Variants in HEXIM2 observed in about 807,000 individuals in gnomAD.
HEXIM2 encodes the protein protein HEXIM2.
For missense variants in HEXIM2, 413 were observed against 390.8 expected, an observed-to-expected ratio of 1.06 and a Z score of -0.48; for synonymous variants, 159 against 162.7, an observed-to-expected ratio of 0.98 and a Z score of 0.17.
rs1453855321 is a variant in HEXIM2 at position 45,162,013 on chromosome 17, A to G, written c.-211A>G. The G allele has an allele frequency of 1.0e-6, 1 of 985,508 alleles. No individual in the cohort carries two copies. The highest frequency in any genetic ancestry group is 1.2e-6 in the Non-Finnish European group (1 of 830,020). The allele number at this position is 985,508 out of a possible 1,614,324, so 61.0% of individuals were successfully genotyped here. On this transcript the variant is annotated 5_prime_UTR_variant, in exon 1 of 4. In the 5' UTR this introduces an upstream ATG that the reference lacks. Transcript: ENST00000589230. ...GGCACACAGATGTAGTGGTGTGCAT[A>G]GCCCTTGACAGCGAATAGGTCAGTT...
intron 3 of HEXIM2, among the ~76,000 whole-genome samples, chr17:45,165,353 T>C (rs1214534079): frequency 1.3e-5 from 2 of 152,168 alleles, no homozygotes; most frequent in Admixed American, 6.6e-5. Context: ...ACATGACATA[T>C]GCCTGGCTCT....
At chr17:45,168,422 C>T (rs1015474663) in intron 3 of HEXIM2, among the ~76,000 whole-genome samples, 2 of 151,306 alleles carry the variant, frequency 1.3e-5, no homozygotes, top group Non-Finnish European at 2.9e-5. Context: ...TACAGTGAGC[C>T]GAGATTGCAC....
At chr17:45,168,103 C>T (rs1204302586) in intron 3 of HEXIM2, among the ~76,000 whole-genome samples, 3 of 149,806 alleles carry the variant, frequency 2.0e-5, no homozygotes, top group African/African-American at 7.4e-5. Flanking sequence ...ATCCTAGTCT[C>T]GAACTCCTGA....
upstream of HEXIM2, chr17:45,161,028 C>T (rs1447621220): frequency 8.9e-7 from 1 of 1,120,212 alleles, no homozygotes; most frequent in Non-Finnish European, 1.2e-6. Context: ...CGACCTCCGC[C>T]CTCCCCCGCG....
intron 3 of HEXIM2, 157 bp from the exon 4 acceptor site, chr17:45,168,858 C>T (rs2042940751): frequency 1.4e-6 from 1 of 733,516 alleles, no homozygotes. Context: ...GTAGACAGGT[C>T]TCTTTGTAAA....
At chr17:45,161,621 A>T (rs1190468745), upstream of HEXIM2, 1 of 155,920 alleles carries the variant, frequency 6.4e-6, no homozygotes, top group Non-Finnish European at 1.4e-5. Flanking sequence ...TAACGCCATC[A>T]ATGAACTCTT....
At position 45,169,546 on chromosome 17, in the gene HEXIM2, T is replaced by G. The variant is rs762416851; in HGVS notation, c.598T>G (p.Phe200Val). The G allele has an allele frequency of 3.2e-6, 5 of 1,569,458 alleles. No homozygotes were observed. Among genetic ancestry groups the G allele is most frequent in the Non-Finnish European group, 2.6e-6 (3 of 1,158,234 alleles). ...RKDFSETYERFHTESLQGRSK... is the reference protein window; with the variant it reads ...RKDFSETYERVHTESLQGRSK... Reference sequence around the variant, plus strand: ...GGACTTCTCTGAGACTTACGAACGCTTCCACACCGAGAGCCTGCAGGGCCG... The same window carrying G: ...GGACTTCTCTGAGACTTACGAACGCGTCCACACCGAGAGCCTGCAGGGCCG... The change falls in exon 4 of 4, where the codon TTC becomes GTC. Residue 200 changes from phenylalanine (F) to valine (V), a missense_variant. By Grantham distance (50) the Phe-to-Val change is conservative. Coordinates refer to ENST00000589230, the MANE Select transcript of HEXIM2 (RefSeq NM_001303441.2).
intron 3 of HEXIM2, 42 bp downstream of exon 3, chr17:45,162,901 G>A (rs376758996): frequency 3.3e-5 from 43 of 1,309,304 alleles, no homozygotes; most frequent in Admixed American, 1.2e-4. Flanking sequence ...CCACGAGCAC[G>A]GGTCCCACAG....
In HEXIM2 at chr17:45,169,165, C is replaced by G; in HGVS notation, c.217C>G (p.Arg73Gly). The G allele has an allele frequency of 6.2e-7, 1 of 1,613,752 alleles. No individual in the cohort carries two copies. Among genetic ancestry groups the G allele is most frequent in the South Asian group, 1.1e-5 (1 of 91,076 alleles). Residue 73 changes from arginine (R) to glycine (G), a missense_variant, in exon 4 of 4, where the codon CGG (arginine) becomes GGG (glycine). Coordinates refer to ENST00000589230, the MANE Select transcript of HEXIM2 (RefSeq NM_001303441.2). ...CCTGGGCTGGAACAGTAGGAGTCCC[C>G]GGACCCAGAGCCCAGGGGGCTGCTC... Reference protein sequence around the residue: ...GGLGWNSRSPRTQSPGGCSAE... With the variant: ...GGLGWNSRSPGTQSPGGCSAE...
intron 1 of HEXIM2, 75 bp downstream of exon 1, chr17:45,162,106 G>GGGAGGGAAACCCAACTA: frequency 1.3e-6 from 1 of 757,056 alleles, no homozygotes; most frequent in Non-Finnish European, 1.6e-6. Context: ...TATCCTAGTT[G>GGGAGGGAAACCCAACTA]GGTTTCCCTC....
At chr17:45,162,677 C>A in intron 2 of HEXIM2, 42 bp downstream of exon 2, 1 of 1,582,260 alleles carries the variant, frequency 6.3e-7, no homozygotes, top group East Asian at 2.2e-5. Context: ...ACTGCCTGGG[C>A]AAACAATTCT....
At position 45,162,046 on chromosome 17, in the gene HEXIM2, T is replaced by G. The variant is rs1167929574; in HGVS notation, c.-193+15T>G. 1 of 979,774 alleles carries G rather than the reference T, an allele frequency of 1.0e-6. No individual in the cohort carries two copies. The highest frequency in any genetic ancestry group is 1.8e-5 in the African/African-American group (1 of 57,120). The allele number at this position is 979,774 out of a possible 1,614,324, so 60.7% of individuals were successfully genotyped here. On this transcript the variant is annotated intron_variant, in intron 1 of 3. Transcript: ENST00000589230. ...ACAGCGAATAGGTCAGTTCCACCTT[T>G]GCAAAACCTCTTTCCATGACTGTCT...
At chr17:45,161,646 G>C (rs996579358), upstream of HEXIM2, 2 of 158,166 alleles carry the variant, frequency 1.3e-5, no homozygotes, top group African/African-American at 4.8e-5. Flanking sequence ...TGAGTTCGGA[G>C]AAGGCGGGTC....
In HEXIM2 at chr17:45,161,989, G is replaced by T; in HGVS notation, c.-235G>T. ...CACCGACAGGCAGTCGCACAGAAAG[G>T]CACACAGATGTAGTGGTGTGCATAG... On this transcript the variant is annotated 5_prime_UTR_variant, in exon 1 of 4. Coordinates refer to ENST00000589230, the MANE Select transcript of HEXIM2 (RefSeq NM_001303441.2). 9.1e-6 allele frequency: 9 copies of T among 985,624 alleles called. No homozygotes were observed. The highest frequency in any genetic ancestry group is 1.1e-5 in the Non-Finnish European group (9 of 830,042). The allele number at this position is 985,624 out of a possible 1,614,324, so 61.1% of individuals were successfully genotyped here. A position where few individuals can be genotyped will look rare whatever the true frequency, so the allele number is the denominator to read the frequency against.
rs2042726429 is a variant in HEXIM2 at position 45,162,512 on chromosome 17, T to C, written c.-168T>C. On this transcript the variant is annotated 5_prime_UTR_variant, in exon 2 of 4. Transcript: ENST00000589230. Reference sequence around the variant, plus strand: ...GGAGGACAGTACAGGACATGAGTCCTGGTGAGGGACCCGAGGAGCAGGACA... The same window carrying C: ...GGAGGACAGTACAGGACATGAGTCCCGGTGAGGGACCCGAGGAGCAGGACA... 2 of 1,281,432 alleles carry C rather than the reference T, an allele frequency of 1.6e-6. No individual in the cohort carries two copies. The highest frequency in any genetic ancestry group is 2.0e-6 in the Non-Finnish European group (2 of 1,003,192). The allele number at this position is 1,281,432 out of a possible 1,614,324, so 79.4% of individuals were successfully genotyped here. A position where few individuals can be genotyped will look rare whatever the true frequency, so the allele number is the denominator to read the frequency against.
chr17:45,166,313 G>C (rs2042841300), intron 3 of HEXIM2, among the ~76,000 whole-genome samples: 1 of 152,026 alleles, frequency 6.6e-6, no homozygotes, highest in African/African-American at 2.4e-5. Flanking sequence ...TTTTGGTAGA[G>C]ATGGGGTTTC....
At chr17:45,166,689 G>T (rs1267989834) in intron 3 of HEXIM2, among the ~76,000 whole-genome samples, 1 of 152,112 alleles carries the variant, frequency 6.6e-6, no homozygotes, top group African/African-American at 2.4e-5. Flanking sequence ...GGTCAAGGAG[G>T]GGCTCCCTAA....
upstream of HEXIM2, chr17:45,160,987 T>C: frequency 7.8e-7 from 1 of 1,283,634 alleles, no homozygotes; most frequent in Non-Finnish European, 1.0e-6. Flanking sequence ...AGCCTCCAGC[T>C]GACTGCCACG....
chr17:45,160,378 G>A (rs2042654736), upstream of HEXIM2, among the ~76,000 whole-genome samples: 1 of 151,986 alleles, frequency 6.6e-6, no homozygotes, highest in Non-Finnish European at 1.5e-5. Flanking sequence ...TGCACCAGTA[G>A]AACACAAAAT....
Sources: gnomAD v4.1 joint callset for allele counts (sites outside exome capture counted in the v4.1 genomes callset) on GRCh38, gnomAD v4.1.1 for gene constraint, MANE v1.5 for transcripts, NCBI Gene and HGNC (gene_info 2026-07-23, HGNC 2026-07-21) for gene names.